The following SUPV3L1 variants were observed in gnomAD, a reference collection of about 807,000 sequenced individuals.
The protein encoded by SUPV3L1 is Suv3 like RNA helicase, also known as ATP-dependent RNA helicase SUPV3L1, mitochondrial.
In SUPV3L1, 35 loss-of-function variants were observed where a neutral mutation model predicts 70.0. That is an observed-to-expected ratio of 0.50 (90% CI 0.38 to 0.66). The LOEUF is 0.66. Ranked by LOEUF, SUPV3L1 falls within the 30% of genes least tolerant of loss-of-function variation. SUPV3L1 has a pLI of 0.00. For missense variants in SUPV3L1, 777 were observed against 961.5 expected (o/e 0.81, Z 2.54); for synonymous variants, 364 against 341.9 (o/e 1.06, Z -0.71).
At chr10:69,180,594 G>A in intron 1 of SUPV3L1, 32 bp downstream of exon 1, 1 of 1,608,462 alleles carries the variant, frequency 6.2e-7, no homozygotes, top group Non-Finnish European at 8.5e-7. Context: ...GGCGGCAGAG[G>A]GTGGTGTCTG....
chr10:69,202,794 C>T, intron 12 of SUPV3L1, 73 bp from the exon 13 acceptor site: 2 of 1,435,912 alleles, frequency 1.4e-6, no homozygotes, highest in South Asian at 1.3e-5. Context: ...CTTTTATAGA[C>T]TTGAGTATGT....
chr10:69,185,917 A>G (rs1404581741), intron 1 of SUPV3L1, 70 bp from the exon 2 acceptor site: 4 of 1,178,982 alleles, frequency 3.4e-6, no homozygotes, highest in African/African-American at 3.1e-5. Context: ...TATTGCTTCA[A>G]GTTTCTTTTG....
chr10:69,199,107 C>A lies in SUPV3L1; in HGVS notation c.1208C>A (p.Thr403Asn). The stretch of plus-strand genomic sequence containing the variant: ...ACATAAATTGTTCTTGTTTTAGGGA[C>A]CAAACTTGCTCAAGCAAAAAAGTTT... The part of the protein sequence containing the change: ...AVIYGSLPPG[T>N]KLAQAKKFND... The change falls in exon 10 of 15, where the codon ACC (threonine) becomes AAC (asparagine). Residue 403 changes from threonine (T) to asparagine (N), a missense_variant. By Grantham distance (65) the Thr-to-Asn change is moderately conservative (BLOSUM62 0). Coordinates refer to ENST00000359655, the MANE Select transcript of SUPV3L1 (RefSeq NM_003171.5). 1 of 1,609,942 alleles carries A rather than the reference C, an allele frequency of 6.2e-7. No homozygotes were observed. The highest frequency in any genetic ancestry group is 1.1e-5 in the South Asian group (1 of 89,862).
Position 69,198,680 on chromosome 10 carries a change from C to T in SUPV3L1, c.1204+128C>T, listed in dbSNP as rs76732497. On this transcript the variant is annotated intron_variant, in intron 9 of 14. Coordinates refer to ENST00000359655, the MANE Select transcript of SUPV3L1 (RefSeq NM_003171.5). The stretch of plus-strand genomic sequence containing the variant: ...CTTGATGTATTGGTAATTTGTTAAA[C>T]GTCATATAAAATAAATAATTTTCTA... 1,108 of 813,624 alleles carry T rather than the reference C, an allele frequency of 1.4e-3. 20 individuals are homozygous for T. The East Asian group carries it at 0.024, about 18-fold the overall frequency. The allele number at this position is 813,624 out of a possible 1,614,324, so 50.4% of individuals were successfully genotyped here.
chr10:69,180,486 G>T lies in SUPV3L1; in HGVS notation c.195G>T (p.Val65=). 1 of 1,614,244 alleles carries T rather than the reference G, an allele frequency of 6.2e-7. No homozygotes were observed. Among genetic ancestry groups the T allele is most frequent in the Non-Finnish European group, 8.5e-7 (1 of 1,180,044 alleles). The change falls in exon 1 of 15, where the codon GTG becomes GTT. Residue 65 remains valine (V), a synonymous_variant. Coordinates refer to ENST00000359655, the MANE Select transcript of SUPV3L1 (RefSeq NM_003171.5). Reference sequence around the variant, plus strand: ...AAATACCAAACACGTCCTTGTTCGTGCCCCTGACTGTGAAACCTCAGGGCC... The same window carrying T: ...AAATACCAAACACGTCCTTGTTCGTTCCCCTGACTGTGAAACCTCAGGGCC... ...GSKIPNTSLF[V]PLTVKPQGPS...
chr10:69,193,630 G>T (rs768657784), intron 6 of SUPV3L1, among the ~76,000 whole-genome samples: 1 of 151,890 alleles, frequency 6.6e-6, no homozygotes, highest in Non-Finnish European at 1.5e-5. Flanking sequence ...GGCTGGCCTC[G>T]AACTCCCGGG....
At chr10:69,180,738 T>C (rs1446902198) in intron 1 of SUPV3L1, among the ~76,000 whole-genome samples, 176 bp downstream of exon 1, 1 of 152,210 alleles carries the variant, frequency 6.6e-6, no homozygotes, top group Non-Finnish European at 1.5e-5. Context: ...GGCTTAGGAC[T>C]GTATCTGATT....
In SUPV3L1 at chr10:69,189,303, A is replaced by T; in HGVS notation, c.609A>T (p.Ile203=). Residue 203 remains isoleucine (I), a synonymous_variant, in exon 5 of 15, where the codon ATA becomes ATT. Transcript: ENST00000359655. ...CTAGAGCCATGCAGCGGAAGATAAT[A>T]TTTCATTCAGGCCCCACAAACAGTG... The part of the protein sequence containing the change: ...PDARAMQRKI[I]FHSGPTNSGK... 1.2e-6 allele frequency: 2 copies of T among 1,614,092 alleles called. No individual in the cohort carries two copies. The highest frequency in any genetic ancestry group is 1.7e-6 in the Non-Finnish European group (2 of 1,179,994).
At chr10:69,204,066 T>C (rs1396331603) in intron 13 of SUPV3L1, among the ~76,000 whole-genome samples, 1 of 152,176 alleles carries the variant, frequency 6.6e-6, no homozygotes, top group Non-Finnish European at 1.5e-5. Context: ...AGGATCCAAA[T>C]GTCCAACAAG....
At chr10:69,191,216 GA>G (rs1403030059) in intron 5 of SUPV3L1, among the ~76,000 whole-genome samples, 1 of 147,476 alleles carries the variant, frequency 6.8e-6, no homozygotes, top group Non-Finnish European at 1.5e-5. Context: ...TTATAAAAGG[GA>G]AAAAAGCATT....
Position 69,186,463 on chromosome 10 carries a change from T to C in SUPV3L1, c.370T>C (p.Phe124Leu). ...GLDARLFHQA[F>L]ISFRNYIMQS... ...TACAGCTCGTCTCTTCCACCAAGCT[T>C]TCATAAGCTTTAGAAATTATATTAT... The change falls in exon 3 of 15, where the codon TTC becomes CTC. Residue 124 changes from phenylalanine (F) to leucine (L), a missense_variant. Phe to Leu is a conservative substitution (Grantham distance 22). Transcript: ENST00000359655. The C allele has an allele frequency of 6.2e-7, 1 of 1,613,844 alleles. No homozygotes were observed. The highest frequency in any genetic ancestry group is 8.5e-7 in the Non-Finnish European group (1 of 1,179,866).
At chr10:69,188,497 G>A (rs2132274107) in intron 4 of SUPV3L1, among the ~76,000 whole-genome samples, 1 of 65,038 alleles carries the variant, frequency 1.5e-5, no homozygotes, top group South Asian at 5.5e-4. Context: ...CTTTGTACTT[G>A]ATTTTTTTTG....
At chr10:69,181,541 T>C (rs1842060438) in intron 1 of SUPV3L1, among the ~76,000 whole-genome samples, 1 of 152,216 alleles carries the variant, frequency 6.6e-6, no homozygotes, top group South Asian at 2.1e-4. Context: ...TACTTGGTGC[T>C]GGGAGACTGT....
chr10:69,194,187 A>G (rs79919120), intron 6 of SUPV3L1, among the ~76,000 whole-genome samples: 233 of 152,120 alleles, frequency 1.5e-3, no homozygotes, highest in African/African-American at 5.3e-3. Flanking sequence ...TCAGTGTGGG[A>G]GGCAGTGTGG....
At position 69,197,089 on chromosome 10, in the gene SUPV3L1, C is replaced by T. The variant is rs773261206; in HGVS notation, c.1023+6C>T. 5.0e-6 allele frequency: 8 copies of T among 1,612,784 alleles called. No homozygotes were observed. The highest frequency in any genetic ancestry group is 1.3e-5 in the African/African-American group (1 of 74,850). ...CAACGGGGGAGGAAGTGGAGGTATT[C>T]GATTAGATGCTTTGTTCTCCAGGTG... On this transcript the variant is annotated splice_donor_region_variant and intron_variant, in intron 8 of 14. Transcript: ENST00000359655.
chr10:69,186,326 A>C (rs182427456), intron 2 of SUPV3L1, 117 bp from the exon 3 acceptor site: 2 of 370,256 alleles, frequency 5.4e-6, no homozygotes, highest in South Asian at 6.3e-5. Flanking sequence ...CTGTACTGCC[A>C]AAAAAAAAAA....
chr10:69,180,418 T>G lies in SUPV3L1; in HGVS notation c.127T>G (p.Ser43Ala), dbSNP rs373167154. Residue 43 changes from serine (S) to alanine (A), a missense_variant, in exon 1 of 15, where the codon TCT becomes GCT. Around this residue, in one of 2 missense-constraint regions of SUPV3L1, gnomAD observed 158 missense variants for 138.3 expected, o/e 1.14. Coordinates refer to ENST00000359655, the MANE Select transcript of SUPV3L1 (RefSeq NM_003171.5). ...CTTTCCCGGGGTTCTGGGGCAAGTT[T>G]CTGTCCTTGCCACCGCCTCCTCCTC... ...GPFPGVLGQV[S>A]VLATASSSAS... 1.6e-5 allele frequency: 26 copies of G among 1,614,146 alleles called. No individual in the cohort carries two copies. Among genetic ancestry groups the G allele is most frequent in the Non-Finnish European group, 2.1e-5 (25 of 1,180,054 alleles).
chr10:69,181,755 C>T (rs754780702), intron 1 of SUPV3L1, among the ~76,000 whole-genome samples: 9 of 152,114 alleles, frequency 5.9e-5, no homozygotes, highest in Non-Finnish European at 8.8e-5. Context: ...TAACTGACTC[C>T]TGTGATAATG....
intron 8 of SUPV3L1, among the ~76,000 whole-genome samples, chr10:69,198,102 C>T (rs1337082522): frequency 2.0e-5 from 3 of 152,158 alleles, no homozygotes; most frequent in African/African-American, 7.2e-5. Flanking sequence ...CTGAACTTAA[C>T]ACATTGCCGT....
Sources: allele counts gnomAD v4.1 joint callset (sites outside exome capture counted in the v4.1 genomes callset), GRCh38; gene constraint gnomAD v4.1.1; regional missense constraint gnomAD v4.1.1; transcripts MANE v1.5; gene names NCBI Gene and HGNC (gene_info 2026-07-23, HGNC 2026-07-21).